MACO1: variants seen among roughly 807,000 people sequenced by gnomAD.
MACO1 encodes the protein macoilin.
In MACO1, 14 loss-of-function variants were observed where a neutral mutation model predicts 78.7. That is an observed-to-expected ratio of 0.18 (90% confidence interval 0.12 to 0.28). The LOEUF (loss-of-function observed/expected upper bound fraction) is 0.28, where lower values mean the gene tolerates loss of function less well. Among genes scored for constraint, MACO1 ranks in the 10% least tolerant of loss-of-function variants. The pLI is 1.00. For missense variants in MACO1, 501 were observed against 799.0 expected (o/e 0.63, Z 4.50); for synonymous variants, 288 against 291.6 (o/e 0.99, Z 0.12).
chr1:25,463,975 T>G (rs1431055091), intron 6 of MACO1, among the ~76,000 whole-genome samples: 2 of 152,220 alleles, frequency 1.3e-5, no homozygotes, highest in Non-Finnish European at 2.9e-5. Context: ...GTGGTACATT[T>G]GTTACACAGA....
At chr1:25,448,313 A>G (rs1042174515) in intron 2 of MACO1, among the ~76,000 whole-genome samples, 1 of 152,096 alleles carries the variant, frequency 6.6e-6, no homozygotes, top group Admixed American at 6.5e-5. Flanking sequence ...AGTTACAAAA[A>G]ATTAGTTGGG....
chr1:25,433,547 G>C (rs2124564983), intron 1 of MACO1, among the ~76,000 whole-genome samples: 1 of 152,200 alleles, frequency 6.6e-6, no homozygotes, highest in South Asian at 2.1e-4. Flanking sequence ...GATAACCACT[G>C]TCTACTGTTT....
At chr1:25,496,941 A>T (rs1466704161) in intron 10 of MACO1, among the ~76,000 whole-genome samples, 1 of 152,250 alleles carries the variant, frequency 6.6e-6, no homozygotes, top group African/African-American at 2.4e-5. Flanking sequence ...AAAATGGATA[A>T]TAATAATTCC....
At chr1:25,479,606 A>G (rs967659174) in intron 6 of MACO1, among the ~76,000 whole-genome samples, 3 of 152,040 alleles carry the variant, frequency 2.0e-5, no homozygotes, top group Admixed American at 1.3e-4. Flanking sequence ...ACAAGGTTTC[A>G]CCATGTTGGC....
intron 9 of MACO1, among the ~76,000 whole-genome samples, chr1:25,490,135 C>G (rs576822419): frequency 6.6e-6 from 1 of 151,294 alleles, no homozygotes; most frequent in South Asian, 2.1e-4. Context: ...TCTAAACATA[C>G]AAGCAATGGG....
At chr1:25,441,074 C>T (rs1343073983) in intron 1 of MACO1, among the ~76,000 whole-genome samples, 1 of 152,216 alleles carries the variant, frequency 6.6e-6, no homozygotes, top group Admixed American at 6.5e-5. Context: ...TGTCCAGACA[C>T]CTTCCCAGTC....
intron 6 of MACO1, among the ~76,000 whole-genome samples, chr1:25,460,622 CA>C (rs1557665858): frequency 6.6e-6 from 1 of 151,624 alleles, no homozygotes; most frequent in Non-Finnish European, 1.5e-5. Flanking sequence ...CCCAGGCTGA[CA>C]CAAGTTTAGT....
chr1:25,490,232 G>A (rs968940754), intron 9 of MACO1, among the ~76,000 whole-genome samples: 2 of 152,030 alleles, frequency 1.3e-5, no homozygotes, highest in African/African-American at 2.4e-5. Context: ...TATAAATAAG[G>A]AATTAATATT....
At chr1:25,451,720 A>T (rs1395849068) in intron 3 of MACO1, among the ~76,000 whole-genome samples, 1 of 152,132 alleles carries the variant, frequency 6.6e-6, no homozygotes, top group African/African-American at 2.4e-5. Flanking sequence ...CAACCTGGCC[A>T]AAATGGCGAA....
intron 2 of MACO1, among the ~76,000 whole-genome samples, chr1:25,447,559 T>C (rs1352851669): frequency 6.6e-6 from 1 of 152,156 alleles, no homozygotes; most frequent in Non-Finnish European, 1.5e-5. Context: ...GTGGCTCCAT[T>C]TTTGTAAATC....
intron 10 of MACO1, among the ~76,000 whole-genome samples, chr1:25,492,968 T>C (rs1301814754): frequency 1.3e-5 from 2 of 152,254 alleles, no homozygotes; most frequent in South Asian, 2.1e-4. Context: ...GGAGGATCAC[T>C]TGAGCCCAGA....
At chr1:25,477,739 C>T (rs1445931771) in intron 6 of MACO1, among the ~76,000 whole-genome samples, 2 of 152,198 alleles carry the variant, frequency 1.3e-5, no homozygotes, top group Non-Finnish European at 2.9e-5. Context: ...TGCTTTCAGT[C>T]AGGCCTCATA....
In MACO1 at chr1:25,498,349, C is replaced by T. The variant is rs1189970501; in HGVS notation, c.1878C>T (p.Tyr626=). 1.2e-6 allele frequency: 2 copies of T among 1,614,192 alleles called. No individual in the cohort carries two copies. Among genetic ancestry groups the T allele is most frequent in the Admixed American group, 3.3e-5 (2 of 60,026 alleles). Residue 626 remains tyrosine, a synonymous_variant, in exon 11 of 11, where the codon TAC becomes TAT. Transcript: ENST00000374343. ...TGGCCGTCATGCCCAGCATAACATA[C>T]AGTGCCGCCACCAGCCCCCTGAGCC... ...EVMAVMPSIT[Y]SAATSPLSPV...
intron 6 of MACO1, among the ~76,000 whole-genome samples, chr1:25,460,931 A>T (rs2043165411): frequency 6.6e-6 from 1 of 152,146 alleles, no homozygotes; most frequent in South Asian, 2.1e-4. Context: ...ATAAGCTCCC[A>T]TGGTATTATT....
intron 10 of MACO1, among the ~76,000 whole-genome samples, chr1:25,492,172 G>A (rs747545998): frequency 5.9e-5 from 9 of 152,192 alleles, no homozygotes; most frequent in Non-Finnish European, 8.8e-5. Flanking sequence ...GCAGGTGAGA[G>A]TCTGGAGAGT....
chr1:25,465,096 A>G (rs1220866778), intron 6 of MACO1, among the ~76,000 whole-genome samples: 1 of 152,024 alleles, frequency 6.6e-6, no homozygotes, highest in African/African-American at 2.4e-5. Context: ...TACAGGCATG[A>G]GCCATCATGC....
intron 1 of MACO1, among the ~76,000 whole-genome samples, chr1:25,439,620 G>A (rs1268075589): frequency 6.6e-6 from 1 of 151,474 alleles, no homozygotes; most frequent in African/African-American, 2.4e-5. Flanking sequence ...CCTGCAGAAT[G>A]CAGCAGTGGT....
intron 10 of MACO1, 112 bp from the exon 11 acceptor site, chr1:25,498,152 C>A: frequency 9.5e-7 from 1 of 1,054,094 alleles, no homozygotes; most frequent in Non-Finnish European, 1.4e-6. Flanking sequence ...TTATAAATCA[C>A]TGAACCTGGA....
intron 2 of MACO1, 76 bp downstream of exon 2, chr1:25,446,979 A>G: frequency 6.7e-7 from 1 of 1,502,096 alleles, no homozygotes; most frequent in Non-Finnish European, 8.9e-7. Context: ...AGCAATACTC[A>G]GGTAACTATG....
Sources: allele counts gnomAD v4.1 joint callset (sites outside exome capture counted in the v4.1 genomes callset), GRCh38; gene constraint gnomAD v4.1.1; transcripts MANE v1.5; gene names NCBI Gene and HGNC (gene_info 2026-07-23, HGNC 2026-07-21).